Variants in PTPN14 observed in about 807,000 individuals in gnomAD.
The protein encoded by PTPN14 is tyrosine-protein phosphatase non-receptor type 14.
PTPN14 carries 53 observed loss-of-function variants against 126.8 expected under a neutral mutation model. The observed-to-expected ratio is 0.42, with a 90% CI of 0.34 to 0.53. The LOEUF (loss-of-function observed/expected upper bound fraction) is 0.53, where lower values mean the gene tolerates loss of function less well. Among genes scored for constraint, PTPN14 ranks in the 20% least tolerant of loss-of-function variants. The pLI is 0.08. For synonymous variants in PTPN14, 630 were observed against 599.3 expected (o/e 1.05, Z -0.75); for missense variants, 1,257 against 1,552.9 (o/e 0.81, Z 3.20).
rs559436992 is a variant in PTPN14, at chr1:214,378,553, T to C, written c.2545-451A>G. On this transcript the variant is annotated intron_variant, in intron 13 of 18. Transcript: ENST00000366956. ...AACTTGTAAAACAGTTTGTTGTTGA[T>C]TGAGAGATCCACACACATAAACTGT... is the stretch of plus-strand genomic sequence containing the variant. 3.8e-4 allele frequency among the ~76,000 whole-genome samples: 56 copies of C among 148,018 alleles called. 1 individual carries two copies. In the South Asian group the frequency reaches 0.012, roughly 31 times the overall value.
In PTPN14 at chr1:214,508,164, T is replaced by A. The variant is rs371731166; in HGVS notation, c.-155+43019A>T. 2.6e-5 allele frequency among the ~76,000 whole-genome samples: 4 copies of A among 152,310 alleles called. No individual in the cohort carries two copies. The East Asian group carries it at 5.8e-4, about 22-fold the overall frequency. On this transcript the variant is annotated intron_variant, in intron 1 of 18. Coordinates refer to ENST00000366956, the MANE Select transcript of PTPN14 (RefSeq NM_005401.5). ...TGGCCATTTCTTAAAATAAAGACAA[T>A]GAAGTTTGCCACATCAGTTGACTCT...
intron 1 of PTPN14, among the ~76,000 whole-genome samples, chr1:214,488,507 A>C (rs144447394): frequency 2.0e-5 from 3 of 152,320 alleles, no homozygotes; most frequent in Admixed American, 2.0e-4. Context: ...CATAAAACCC[A>C]TGTAAAAGGA....
At chr1:214,405,864 G>A (rs1315328867) in intron 5 of PTPN14, among the ~76,000 whole-genome samples, 3 of 152,146 alleles carry the variant, frequency 2.0e-5, no homozygotes, top group African/African-American at 7.2e-5. Flanking sequence ...TGAGAAAACT[G>A]AGGGTTGGAA....
chr1:214,480,500 T>C (rs1287598318), intron 1 of PTPN14, among the ~76,000 whole-genome samples: 1 of 152,194 alleles, frequency 6.6e-6, no homozygotes, highest in Non-Finnish European at 1.5e-5. Flanking sequence ...AATGTCTTCA[T>C]GTGACAGGAA....
At chr1:214,373,079 G>C (rs1193103955) in intron 15 of PTPN14, among the ~76,000 whole-genome samples, 1 of 152,162 alleles carries the variant, frequency 6.6e-6, no homozygotes, top group African/African-American at 2.4e-5. Context: ...TTTTGAGACT[G>C]AGTCTTGCTC....
chr1:214,362,836 C>CAA (rs11419880), intron 18 of PTPN14, among the ~76,000 whole-genome samples: 2 of 149,990 alleles, frequency 1.3e-5, no homozygotes, highest in Admixed American at 6.6e-5. Flanking sequence ...AACCCTGTCT[C>CAA]AAAAAAAAGA....
intron 3 of PTPN14, among the ~76,000 whole-genome samples, chr1:214,428,601 G>A (rs553558210): frequency 7.2e-5 from 11 of 151,942 alleles, no homozygotes; most frequent in Non-Finnish European, 1.5e-4. Flanking sequence ...TTTATAGAAC[G>A]AAGTCCACAC....
At chr1:214,466,561 T>C (rs1262040398) in intron 1 of PTPN14, among the ~76,000 whole-genome samples, 2 of 152,208 alleles carry the variant, frequency 1.3e-5, no homozygotes, top group Admixed American at 6.5e-5. Context: ...GTGGCCTTAT[T>C]GCTCCACCCT....
chr1:214,421,019 C>A (rs1457216703), intron 3 of PTPN14, among the ~76,000 whole-genome samples: 3 of 152,176 alleles, frequency 2.0e-5, no homozygotes, highest in South Asian at 2.1e-4. Flanking sequence ...GTTAAACATA[C>A]AATTATCACA....
intron 1 of PTPN14, among the ~76,000 whole-genome samples, chr1:214,536,265 C>T (rs1655702154): frequency 6.6e-6 from 1 of 151,840 alleles, no homozygotes; most frequent in Admixed American, 6.6e-5. Flanking sequence ...AAATTTGGCA[C>T]AGGATGTTGG....
intron 1 of PTPN14, among the ~76,000 whole-genome samples, chr1:214,476,368 C>T (rs1660868171): frequency 6.6e-6 from 1 of 152,360 alleles, no homozygotes; most frequent in African/African-American, 2.4e-5. Context: ...GAGCTTGCTT[C>T]GCTCTTTTCC....
chr1:214,425,205 G>C (rs1312951191), intron 3 of PTPN14, among the ~76,000 whole-genome samples: 1 of 152,064 alleles, frequency 6.6e-6, no homozygotes, highest in African/African-American at 2.4e-5. Context: ...TCCTAGACTT[G>C]GTAGTTGCAC....
intron 1 of PTPN14, among the ~76,000 whole-genome samples, chr1:214,545,005 T>C (rs1340587551): frequency 6.6e-6 from 1 of 151,890 alleles, no homozygotes; most frequent in Non-Finnish European, 1.5e-5. Context: ...CCACTCTGGG[T>C]CTGAATGTAA....
intron 3 of PTPN14, among the ~76,000 whole-genome samples, chr1:214,434,071 G>A (rs1659858438): frequency 6.6e-6 from 1 of 152,030 alleles, no homozygotes; most frequent in South Asian, 2.1e-4. Flanking sequence ...GTTTAGGGCT[G>A]CAGTGAGCTG....
intron 1 of PTPN14, among the ~76,000 whole-genome samples, chr1:214,468,717 C>T (rs1008788488): frequency 2.9e-4 from 44 of 151,962 alleles, no homozygotes; most frequent in African/African-American, 9.4e-4. Flanking sequence ...TTCTATATAC[C>T]TAAAAGTTTT....
At position 214,353,803 on chromosome 1, in the gene PTPN14, C is replaced by T. The variant is rs1016826050; in HGVS notation, c.*4119G>A. 2 of 152,212 alleles carry T rather than the reference C, an allele frequency of 1.3e-5. No homozygotes were observed. The highest frequency in any genetic ancestry group is 4.8e-5 in the African/African-American group (2 of 41,430). 9.4% of individuals were successfully genotyped at this position (152,212 alleles called of 1,614,324 possible). On this transcript the variant is annotated 3_prime_UTR_variant, in exon 19 of 19. Coordinates refer to ENST00000366956, the MANE Select transcript of PTPN14 (RefSeq NM_005401.5). ...CAGCACGTTCGTGAAAAGAGCTGGG[C>T]CACCCAGGGTATACCTTTTGTGTTC...
At chr1:214,516,822 G>T (rs1655113236) in intron 1 of PTPN14, among the ~76,000 whole-genome samples, 1 of 151,834 alleles carries the variant, frequency 6.6e-6, no homozygotes, top group Admixed American at 6.6e-5. Flanking sequence ...AACAGAAAAG[G>T]CACACACATT....
intron 3 of PTPN14, among the ~76,000 whole-genome samples, chr1:214,425,639 G>A (rs1047139991): frequency 7.2e-5 from 11 of 152,122 alleles, no homozygotes; most frequent in African/African-American, 2.2e-4. Flanking sequence ...GAAACTTTAC[G>A]TTGTTCCTAG....
At chr1:214,441,855 T>C (rs1660042868) in intron 3 of PTPN14, among the ~76,000 whole-genome samples, 1 of 152,234 alleles carries the variant, frequency 6.6e-6, no homozygotes, top group Non-Finnish European at 1.5e-5. Context: ...TTTTAACATT[T>C]TGACTCATGC....
Sources: allele counts gnomAD v4.1 joint callset (sites outside exome capture counted in the v4.1 genomes callset), GRCh38; gene constraint gnomAD v4.1.1; transcripts MANE v1.5; gene names NCBI Gene and HGNC (gene_info 2026-07-23, HGNC 2026-07-21).